Variants in BCAP31 observed in about 807,000 individuals in gnomAD.
BCAP31 encodes the protein B cell receptor associated protein 31, also known as B-cell receptor-associated protein 31.
For synonymous variants in BCAP31, 75 were observed against 80.9 expected (o/e 0.93, Z 0.39); for missense variants, 124 against 193.0 (o/e 0.64, Z 2.12).
chrX:153,721,027 T>G, intron 2 of BCAP31, 55 bp from the exon 3 acceptor site: 58 of 1,052,572 alleles, frequency 5.5e-5, no homozygotes, highest in Non-Finnish European at 6.9e-5. Context: ...ACACGAGCTC[T>G]AGGGCCCTGA....
At chrX:153,703,110 T>A (rs1557047749) in intron 5 of BCAP31, 52 bp from the exon 6 acceptor site, 1 of 1,192,378 alleles carries the variant, frequency 8.4e-7, no homozygotes, top group Non-Finnish European at 1.1e-6. Flanking sequence ...GAGGGAGAGG[T>A]TCCAGCCCCA....
At chrX:153,713,756 C>T (rs1203364620) in intron 4 of BCAP31, among the ~76,000 whole-genome samples, 1 of 110,523 alleles carries the variant, frequency 9.0e-6, no homozygotes, top group East Asian at 2.8e-4. Context: ...TTTCCTTTGC[C>T]CTTGACCACC....
At chrX:153,705,075 C>A (rs1350148441) in intron 4 of BCAP31, 1 of 112,673 alleles carries the variant, frequency 8.9e-6, no homozygotes, top group Non-Finnish European at 1.9e-5. Context: ...TTCTCACACA[C>A]CTCAGAAGGC....
intron 6 of BCAP31, chrX:153,702,416 G>A: frequency 4.0e-6 from 1 of 247,242 alleles, no homozygotes; most frequent in Non-Finnish European, 7.2e-6. Flanking sequence ...GGGAGACAGG[G>A]AGCAAGATCC....
intron 4 of BCAP31, among the ~76,000 whole-genome samples, chrX:153,706,035 A>G (rs1473733080): frequency 9.0e-6 from 1 of 111,583 alleles, no homozygotes; most frequent in Non-Finnish European, 1.9e-5. Flanking sequence ...GGGCATACAC[A>G]AAGTCCAGCG....
chrX:153,723,515 C>T (rs2091683391), intron 1 of BCAP31: 2 of 1,164,645 alleles, frequency 1.7e-6, no homozygotes, highest in Non-Finnish European at 2.3e-6. Flanking sequence ...TACCTGCCCC[C>T]TCCAGCACGT....
At chrX:153,721,008 A>G (rs1557050934) in intron 2 of BCAP31, 36 bp from the exon 3 acceptor site, 1 of 1,153,431 alleles carries the variant, frequency 8.7e-7, no homozygotes. Flanking sequence ...AGTTGAAGAG[A>G]AAGCACACAC....
intron 4 of BCAP31, among the ~76,000 whole-genome samples, chrX:153,707,802 T>C (rs1222948424): frequency 8.8e-6 from 1 of 113,067 alleles, no homozygotes; most frequent in Non-Finnish European, 1.9e-5. Flanking sequence ...TTTTTCAGCC[T>C]GGGAGCCAGC....
intron 6 of BCAP31, 89 bp from the exon 7 acceptor site, chrX:153,702,196 G>T: frequency 1.3e-6 from 1 of 781,392 alleles, no homozygotes; most frequent in Non-Finnish European, 1.9e-6. Flanking sequence ...ACCAGAAACT[G>T]GCCCAAATCT....
chrX:153,723,502 A>T, intron 1 of BCAP31: 1 of 1,156,910 alleles, frequency 8.6e-7, no homozygotes. Flanking sequence ...TTCGCTGGTC[A>T]ATTACCTGCC....
chrX:153,716,578 CAAAAAAAAAA>C (rs782072647), intron 3 of BCAP31, among the ~76,000 whole-genome samples: 2 of 27,363 alleles, frequency 7.3e-5, no homozygotes, highest in Middle Eastern at 0.025. Flanking sequence ...TCTCTCTCAA[CAAAAAAAAAA>C]AAAAAAAAAA....
chrX:153,702,900 T>C (rs2091528206), intron 6 of BCAP31, 35 bp downstream of exon 6: 1 of 1,204,215 alleles, frequency 8.3e-7, no homozygotes, highest in South Asian at 1.8e-5. Context: ...TCCTCTGGAC[T>C]TCCCTGCGGG....
intron 4 of BCAP31, among the ~76,000 whole-genome samples, chrX:153,708,607 C>T (rs2091569815): frequency 1.8e-5 from 2 of 112,695 alleles, no homozygotes; most frequent in Admixed American, 1.9e-4. Flanking sequence ...TGGGTGAACA[C>T]GCCCCAGCTG....
In BCAP31 at chrX:153,723,576, C is replaced by A. The variant is rs2091684115; in HGVS notation, c.-44-288G>T. ...TCCCGACGATCCCTGCCCCAGGAAG[C>A]CCGAGATTTCCGACGCCCGTTTAAC... On this transcript the variant is annotated intron_variant, in intron 1 of 7. Transcript: ENST00000345046. 14 of 1,167,312 alleles carry A rather than the reference C, an allele frequency of 1.2e-5. No homozygotes were observed. The highest frequency in any genetic ancestry group is 1.6e-5 in the Non-Finnish European group (14 of 872,950).
In BCAP31 at chrX:153,700,818, G is replaced by A. The variant is rs1318986994; in HGVS notation, c.*119C>T. 2.9e-6 allele frequency: 2 copies of A among 694,487 alleles called. No homozygotes were observed. Among genetic ancestry groups the A allele is most frequent in the Non-Finnish European group, 4.4e-6 (2 of 452,766 alleles). 57.2% of individuals were successfully genotyped at this position (694,487 alleles called of 1,213,427 possible). On this transcript the variant is annotated 3_prime_UTR_variant, in exon 8 of 8. Transcript: ENST00000345046. ...AGATGACGAGCTATGAGCTGTGGAA[G>A]GGAATGGGGGAAGCAGAAGGGCACA...
intron 1 of BCAP31, chrX:153,724,120 G>A (rs1008099898): frequency 2.2e-4 from 60 of 276,107 alleles, no homozygotes; most frequent in South Asian, 1.9e-3. Flanking sequence ...TCCTCCAGGT[G>A]GGGCTTCACC....
Position 153,715,696 on chromosome X carries a change from T to C in BCAP31, c.194-7A>G. ...CGAATTTCGCGCACGGCATCTGTGGTGGAGCAGAGAGGAGACACGGGCATT... is the reference window on the plus strand; with the variant it reads ...CGAATTTCGCGCACGGCATCTGTGGCGGAGCAGAGAGGAGACACGGGCATT... On this transcript the variant is annotated splice_polypyrimidine_tract_variant and splice_region_variant and intron_variant, in intron 3 of 7. Transcript: ENST00000345046. 1.7e-6 allele frequency: 2 copies of C among 1,210,718 alleles called. No homozygotes were observed. Among genetic ancestry groups the C allele is most frequent in the Non-Finnish European group, 2.2e-6 (2 of 894,731 alleles).
At chrX:153,705,941 G>A (rs192112784) in intron 4 of BCAP31, among the ~76,000 whole-genome samples, 191 of 112,364 alleles carry the variant, frequency 1.7e-3, no homozygotes, top group Non-Finnish European at 2.9e-3. Flanking sequence ...ATGCTTCCGC[G>A]GCAGTGCAGC....
chrX:153,723,312 G>C (rs1010985511), intron 1 of BCAP31, 24 bp from the exon 2 acceptor site: 1 of 1,176,740 alleles, frequency 8.5e-7, no homozygotes, highest in Non-Finnish European at 1.1e-6. Context: ...AAAGGTACGG[G>C]ACTTGTAAGC....
Sources: gnomAD v4.1 joint callset for allele counts (sites outside exome capture counted in the v4.1 genomes callset) on GRCh38, gnomAD v4.1.1 for gene constraint, MANE v1.5 for transcripts, NCBI Gene and HGNC (gene_info 2026-07-23, HGNC 2026-07-21) for gene names.